MRGPRX2: variants seen among roughly 807,000 people sequenced by gnomAD.
MRGPRX2 encodes the protein MAS related GPR family member X2.
For synonymous variants in MRGPRX2, 183 were observed against 175.6 expected (o/e 1.04, Z -0.33); for missense variants, 389 against 404.5 (o/e 0.96, Z 0.33).
intron 1 of MRGPRX2, among the ~76,000 whole-genome samples, chr11:19,057,064 A>G (rs1275292065): frequency 1.3e-5 from 2 of 152,202 alleles, no homozygotes; most frequent in African/African-American, 4.8e-5. Context: ...GTGAGGGCAT[A>G]GTGGAGGGTC....
intron 1 of MRGPRX2, among the ~76,000 whole-genome samples, chr11:19,060,171 G>A (rs375284337): frequency 1.2e-4 from 18 of 152,254 alleles, no homozygotes; most frequent in Middle Eastern, 3.4e-3. Context: ...TGTTCACGCC[G>A]TTGTAAACAG....
Position 19,055,967 on chromosome 11 carries a change from A to G in MRGPRX2, c.436T>C (p.Ser146Pro), listed in dbSNP as rs1371359298. The change falls in exon 2 of 2, where the codon TCA (serine) becomes CCA (proline). Residue 146 changes from serine (S) to proline (P), a missense_variant. Transcript: ENST00000329773. ...WYRCRRPRHL[S>P]AVVCVLLWAL... The stretch of plus-strand genomic sequence containing the variant: ...CAGAGCAGGACACACACGACCGCTG[A>G]CAGGTGTCTGGGGCGGCGGCAGCGA... 1.2e-6 allele frequency: 2 copies of G among 1,614,100 alleles called. No individual in the cohort carries two copies. Among genetic ancestry groups the G allele is most frequent in the Non-Finnish European group, 1.7e-6 (2 of 1,180,062 alleles).
At position 19,055,178 on chromosome 11, in the gene MRGPRX2, C is replaced by G. The variant is rs1039312700; in HGVS notation, c.*232G>C. 2.0e-6 allele frequency: 1 copy of G among 498,900 alleles called. No homozygotes were observed. Among genetic ancestry groups the G allele is most frequent in the African/African-American group, 1.9e-5 (1 of 52,724 alleles). The allele number at this position is 498,900 out of a possible 1,614,324, so 30.9% of individuals were successfully genotyped here. A position where few individuals can be genotyped will look rare whatever the true frequency, so the allele number is the denominator to read the frequency against. Reference sequence around the variant, plus strand: ...CATTAAAAGTGGGAACAGTCATGGACCGCAGAGTTGGCAAAGCTCTCATAG... The same window carrying G: ...CATTAAAAGTGGGAACAGTCATGGAGCGCAGAGTTGGCAAAGCTCTCATAG... On this transcript the variant is annotated 3_prime_UTR_variant, in exon 2 of 2. Transcript: ENST00000329773.
Position 19,056,337 on chromosome 11 carries a change from A to G in MRGPRX2, c.66T>C (p.Leu22=). The change falls in exon 2 of 2, where the codon CTT becomes CTC. Residue 22 remains leucine (L), a synonymous_variant. Transcript: ENST00000329773. ...GGGTCTCCTTGCCACAAAGCAGAAG[A>G]AGGGCTTGGTCATTTCCATTCACTG... ...STTVNGNDQA[L]LLLCGKETLI... The G allele has an allele frequency of 6.2e-7, 1 of 1,614,136 alleles. No homozygotes were observed. The highest frequency in any genetic ancestry group is 8.5e-7 in the Non-Finnish European group (1 of 1,180,018).
chr11:19,056,195 T>A lies in MRGPRX2; in HGVS notation c.208A>T (p.Ser70Cys). Residue 70 changes from serine to cysteine, a missense_variant, in exon 2 of 2, where the codon AGC (serine) becomes TGC (cysteine). By Grantham distance (112) the Ser-to-Cys change is moderately radical. Transcript: ENST00000329773. ...RRNAFSVYVLSLAGADFLFLC... is the reference protein window; with the variant it reads ...RRNAFSVYVLCLAGADFLFLC... ...AAGAGGAAGTCGGCCCCGGCCAGGC[T>A]GAGGACGTAGACAGAGAAGGCGTTC... 6.2e-7 allele frequency: 1 copy of A among 1,614,136 alleles called. No homozygotes were observed. Among genetic ancestry groups the A allele is most frequent in the Non-Finnish European group, 8.5e-7 (1 of 1,179,968 alleles).
In MRGPRX2 at chr11:19,055,979, G is replaced by T; in HGVS notation, c.424C>A (p.Pro142Thr). 6.2e-7 allele frequency: 1 copy of T among 1,614,224 alleles called. No individual in the cohort carries two copies. Among genetic ancestry groups the T allele is most frequent in the Non-Finnish European group, 8.5e-7 (1 of 1,180,052 alleles). The change falls in exon 2 of 2, where the codon CCC (proline) becomes ACC (threonine). Residue 142 changes from proline (P) to threonine (T), a missense_variant. Pro to Thr is a conservative substitution (Grantham distance 38). Transcript: ENST00000329773. ...CACACGACCGCTGACAGGTGTCTGG[G>T]GCGGCGGCAGCGATACCAGATGGGC... ...LWPIWYRCRR[P>T]RHLSAVVCVL...
chr11:19,057,551 C>T (rs1849630687), intron 1 of MRGPRX2, among the ~76,000 whole-genome samples: 1 of 152,150 alleles, frequency 6.6e-6, no homozygotes, highest in African/African-American at 2.4e-5. Context: ...TTACTTCCCC[C>T]AGATGATTTT....
At position 19,055,689 on chromosome 11, in the gene MRGPRX2, G is replaced by A; in HGVS notation, c.714C>T (p.Pro238=). ...TVLVFLLCGL[P]FGIQWFLILW... ...ATATTAGGAACCACTGAATGCCAAAGGGCAGGCCGCAGAGGAGGAACACCA... is the reference window on the plus strand; with the variant it reads ...ATATTAGGAACCACTGAATGCCAAAAGGCAGGCCGCAGAGGAGGAACACCA... Residue 238 remains proline, a synonymous_variant, in exon 2 of 2, where the codon CCC becomes CCT. Coordinates refer to ENST00000329773, the MANE Select transcript of MRGPRX2 (RefSeq NM_054030.4). 7 of 1,614,162 alleles carry A rather than the reference G, an allele frequency of 4.3e-6. No homozygotes were observed. The highest frequency in any genetic ancestry group is 5.9e-6 in the Non-Finnish European group (7 of 1,180,040).
Position 19,056,097 on chromosome 11 carries a change from A to C in MRGPRX2, c.306T>G (p.Pro102=). The change falls in exon 2 of 2, where the codon CCT becomes CCG. Residue 102 remains proline, a synonymous_variant. Coordinates refer to ENST00000329773, the MANE Select transcript of MRGPRX2 (RefSeq NM_054030.4). ...AGGTCATCACAGTGGTGAAGAAGCT[A>C]GGGAAATTGATGGAGATGGAACAGA... ...NFFCSISINF[P]SFFTTVMTCA... 6.2e-7 allele frequency: 1 copy of C among 1,614,222 alleles called. No individual in the cohort carries two copies. The highest frequency in any genetic ancestry group is 8.5e-7 in the Non-Finnish European group (1 of 1,180,040).
At chr11:19,058,460 A>G (rs1021122095) in intron 1 of MRGPRX2, among the ~76,000 whole-genome samples, 9 of 147,774 alleles carry the variant, frequency 6.1e-5, no homozygotes, top group East Asian at 5.9e-4. Context: ...TCGCTCTGTC[A>G]CCCAGGCTGG....
At position 19,056,092 on chromosome 11, in the gene MRGPRX2, A is replaced by T. The variant is rs754147216; in HGVS notation, c.311T>A (p.Phe104Tyr). The T allele has an allele frequency of 1.4e-5, 23 of 1,614,078 alleles. 1 individual carries two copies. The highest frequency in any genetic ancestry group is 1.8e-5 in the Non-Finnish European group (21 of 1,180,032). Residue 104 changes from phenylalanine (F) to tyrosine (Y), a missense_variant, in exon 2 of 2, where the codon TTC (phenylalanine) becomes TAC (tyrosine). By Grantham distance (22) the Phe-to-Tyr change is conservative. Coordinates refer to ENST00000329773, the MANE Select transcript of MRGPRX2 (RefSeq NM_054030.4). ...GGCACAGGTCATCACAGTGGTGAAG[A>T]AGCTAGGGAAATTGATGGAGATGGA... ...FCSISINFPS[F>Y]FTTVMTCAYL... is the part of the protein sequence containing the mutation.
Position 19,054,554 on chromosome 11 carries a change from A to G in MRGPRX2, c.*856T>C, listed in dbSNP as rs1274963667. Reference sequence around the variant, plus strand: ...CTCCGAGTTCTTCGGAATAAAAGGTAAATCTGACATACAGCCTGTCCTCCA... The same window carrying G: ...CTCCGAGTTCTTCGGAATAAAAGGTGAATCTGACATACAGCCTGTCCTCCA... On this transcript the variant is annotated 3_prime_UTR_variant, in exon 2 of 2. Transcript: ENST00000329773. 6.6e-6 allele frequency: 1 copy of G among 152,260 alleles called. No individual in the cohort carries two copies. Among genetic ancestry groups the G allele is most frequent in the African/African-American group, 2.4e-5 (1 of 41,474 alleles). The allele number at this position is 152,260 out of a possible 1,614,324, so 9.4% of individuals were successfully genotyped here.
chr11:19,056,258 C>T lies in MRGPRX2; in HGVS notation c.145G>A (p.Gly49Arg), dbSNP rs779011757. The T allele has an allele frequency of 1.2e-6, 2 of 1,614,116 alleles. No individual in the cohort carries two copies. Among genetic ancestry groups the T allele is most frequent in the South Asian group, 2.2e-5 (2 of 91,090 alleles). The change falls in exon 2 of 2, where the codon GGG becomes AGG. Residue 49 changes from glycine to arginine, a missense_variant. Physicochemically the swap from Gly to Arg is moderately radical, Grantham distance 125. Coordinates refer to ENST00000329773, the MANE Select transcript of MRGPRX2 (RefSeq NM_054030.4). ...FIALVGLVGN[G>R]FVLWLLGFRM... Reference sequence around the variant, plus strand: ...AAGCCCAGGAGCCAGAGCACAAACCCGTTTCCTACCAGCCCGACCAGGGCA... The same window carrying T: ...AAGCCCAGGAGCCAGAGCACAAACCTGTTTCCTACCAGCCCGACCAGGGCA...
Position 19,056,186 on chromosome 11 carries a change from C to G in MRGPRX2, c.217G>C (p.Gly73Arg). ...AFSVYVLSLA[G>R]ADFLFLCFQI... ...AAGCAGAGGAAGAGGAAGTCGGCCC[C>G]GGCCAGGCTGAGGACGTAGACAGAG... The change falls in exon 2 of 2, where the codon GGG becomes CGG. Residue 73 changes from glycine (G) to arginine (R), a missense_variant. Coordinates refer to ENST00000329773, the MANE Select transcript of MRGPRX2 (RefSeq NM_054030.4). 2.5e-6 allele frequency: 4 copies of G among 1,614,154 alleles called. No homozygotes were observed. Among genetic ancestry groups the G allele is most frequent in the Non-Finnish European group, 3.4e-6 (4 of 1,179,986 alleles).
chr11:19,058,285 A>T (rs1219271818), intron 1 of MRGPRX2, among the ~76,000 whole-genome samples: 1 of 152,178 alleles, frequency 6.6e-6, no homozygotes, highest in Non-Finnish European at 1.5e-5. Flanking sequence ...CAAGGACTGA[A>T]TGCATCCATC....
Position 19,055,811 on chromosome 11 carries a change from G to A in MRGPRX2, c.592C>T (p.Leu198Phe). The A allele has an allele frequency of 6.2e-7, 1 of 1,614,158 alleles. No homozygotes were observed. The highest frequency in any genetic ancestry group is 1.1e-5 in the South Asian group (1 of 91,068). ...AGCAGGGCCAGACTGGACCCACAGA[G>A]AACCATGAATAAAAAAATCAGCCAC... ...AAWLIFLFMV[L>F]CGSSLALLVR... Residue 198 changes from leucine (L) to phenylalanine (F), a missense_variant, in exon 2 of 2, where the codon CTC becomes TTC. Leu to Phe is a conservative substitution (Grantham distance 22). Transcript: ENST00000329773.
chr11:19,055,380 A>T lies in MRGPRX2; in HGVS notation c.*30T>A. The T allele has an allele frequency of 1.3e-6, 2 of 1,571,404 alleles. No individual in the cohort carries two copies. The highest frequency in any genetic ancestry group is 1.8e-5 in the Admixed American group (1 of 54,736). On this transcript the variant is annotated 3_prime_UTR_variant, in exon 2 of 2. Coordinates refer to ENST00000329773, the MANE Select transcript of MRGPRX2 (RefSeq NM_054030.4). ...GCAAAGTTGCCTCTCAAAGCCACAT[A>T]TATCTGATGGAAGTAGAGGCTGTCC...
chr11:19,058,577 C>T (rs897269587), intron 1 of MRGPRX2, among the ~76,000 whole-genome samples: 8 of 151,942 alleles, frequency 5.3e-5, no homozygotes, highest in South Asian at 2.1e-4. Flanking sequence ...CCCACCACCA[C>T]GACTGGCTAA....
intron 1 of MRGPRX2, 62 bp from the exon 2 acceptor site, chr11:19,056,489 G>A: frequency 6.7e-7 from 1 of 1,486,506 alleles, no homozygotes; most frequent in Non-Finnish European, 9.1e-7. Flanking sequence ...TGACCAGCCT[G>A]TTATGTGGTA....
Sources: allele counts gnomAD v4.1 joint callset (sites outside exome capture counted in the v4.1 genomes callset), GRCh38; gene constraint gnomAD v4.1.1; transcripts MANE v1.5; gene names NCBI Gene and HGNC (gene_info 2026-07-23, HGNC 2026-07-21).